Variants in NR4A1 observed in about 807,000 individuals in gnomAD.
The protein encoded by NR4A1 is nuclear receptor subfamily 4immunitygroup A member 1.
A neutral mutation model predicts 47.5 loss-of-function variants in NR4A1; 24 were observed. The ratio of observed to expected loss-of-function variants is 0.50; its 90% CI spans 0.37 to 0.71. The LOEUF is 0.71. Ranked by LOEUF, NR4A1 falls within the 30% of genes least tolerant of loss-of-function variation. The probability of loss-of-function intolerance (pLI) is 0.00; values close to 1 mark genes in which losing one functional copy is unlikely to be tolerated. For synonymous variants in NR4A1, 353 were observed against 345.7 expected (o/e 1.02, Z -0.24); for missense variants, 669 against 788.6 (o/e 0.85, Z 1.82).
chr12:52,043,946 G>A (rs941832096), intron 2 of NR4A1: 3 of 1,286,520 alleles, frequency 2.3e-6, no homozygotes, highest in Non-Finnish European at 3.0e-6. Flanking sequence ...AGGAATGGGA[G>A]CTGGGCTGTT....
At chr12:52,048,209 A>G (rs1439866538), upstream of NR4A1, among the ~76,000 whole-genome samples, 1 of 151,974 alleles carries the variant, frequency 6.6e-6, no homozygotes, top group Non-Finnish European at 1.5e-5. Flanking sequence ...GATTGAGCAC[A>G]GACTGGTCAA....
At chr12:52,039,345 G>A (rs746915288) in intron 1 of NR4A1, among the ~76,000 whole-genome samples, 7 of 152,188 alleles carry the variant, frequency 4.6e-5, no homozygotes, top group Non-Finnish European at 5.9e-5. Context: ...GCCTGTCAGC[G>A]GTGTCCTGTT....
At position 52,055,569 on chromosome 12, in the gene NR4A1, C is replaced by A; in HGVS notation, c.876+365C>A. ...TGCCCCCAGGCTCTCATGTTCCTGG[C>A]GTGAGATGAAAGGATCCCTGCGGAG... On this transcript the variant is annotated intron_variant, in intron 2 of 6. Coordinates refer to ENST00000394825, the MANE Select transcript of NR4A1 (RefSeq NM_173157.3). 1.8e-5 allele frequency: 9 copies of A among 507,280 alleles called. No homozygotes were observed. In the South Asian group the frequency reaches 2.6e-4, roughly 15 times the overall value. The allele number at this position is 507,280 out of a possible 1,614,324, so 31.4% of individuals were successfully genotyped here.
chr12:52,037,397 A>T, intron 1 of NR4A1: 1 of 980,696 alleles, frequency 1.0e-6, no homozygotes, highest in Non-Finnish European at 1.2e-6. Flanking sequence ...CTGGTGCGCG[A>T]CCCCGGAAAG....
At position 52,054,000 on chromosome 12, in the gene NR4A1, G is replaced by C. The variant is rs1387772017; in HGVS notation, c.-2-327G>C. On this transcript the variant is annotated intron_variant, in intron 1 of 6. Coordinates refer to ENST00000394825, the MANE Select transcript of NR4A1 (RefSeq NM_173157.3). Reference sequence around the variant, plus strand: ...CCCATGGGGGAGGGGCAGGGGGCTGGAGGAACACAGCTTCCCCCTGTTCTA... The same window carrying C: ...CCCATGGGGGAGGGGCAGGGGGCTGCAGGAACACAGCTTCCCCCTGTTCTA... The C allele has an allele frequency of 2.1e-5, 6 of 290,864 alleles. No individual in the cohort carries two copies. The East Asian group carries it at 3.8e-4, about 18-fold the overall frequency. The allele number at this position is 290,864 out of a possible 1,614,324, so 18.0% of individuals were successfully genotyped here.
chr12:52,057,258 A>G lies in NR4A1; in HGVS notation c.1360A>G (p.Arg454Gly). ...LELFILRLAY[R>G]SKPGEGKLIF... Reference sequence around the variant, plus strand: ...GCTCTTCATCCTCCGCCTGGCGTACAGGTGAGAGCCACTGACTGTCTGCCC... The same window carrying G: ...GCTCTTCATCCTCCGCCTGGCGTACGGGTGAGAGCCACTGACTGTCTGCCC... The change falls in exon 5 of 7, where the codon AGG (arginine) becomes GGG (glycine). Residue 454 changes from arginine to glycine, a missense_variant and splice_region_variant. Arg to Gly is a moderately radical substitution (Grantham distance 125). Coordinates refer to ENST00000394825, the MANE Select transcript of NR4A1 (RefSeq NM_173157.3). 2 of 1,613,604 alleles carry G rather than the reference A, an allele frequency of 1.2e-6. No homozygotes were observed. Among genetic ancestry groups the G allele is most frequent in the Non-Finnish European group, 1.7e-6 (2 of 1,179,788 alleles).
chr12:52,056,327 T>G, intron 3 of NR4A1, 167 bp from the exon 4 acceptor site: 1 of 1,357,752 alleles, frequency 7.4e-7, no homozygotes, highest in South Asian at 1.4e-5. Flanking sequence ...CCTGCCTGGA[T>G]TGTGAGGGTG....
intron 1 of NR4A1, chr12:52,041,662 C>A: frequency 4.5e-6 from 4 of 881,266 alleles, no homozygotes; most frequent in Non-Finnish European, 6.0e-6. Flanking sequence ...ATGCCTAACC[C>A]GGGGAGGTCC....
rs747881525 is a variant in NR4A1 at position 52,057,491 on chromosome 12, C to A, written c.1501C>A (p.Pro501Thr). 2 of 1,614,134 alleles carry A rather than the reference C, an allele frequency of 1.2e-6. No homozygotes were observed. The highest frequency in any genetic ancestry group is 2.2e-5 in the South Asian group (2 of 91,088). The change falls in exon 6 of 7, where the codon CCT becomes ACT. Residue 501 changes from proline to threonine, a missense_variant. Physicochemically the swap from Pro to Thr is conservative, Grantham distance 38. Transcript: ENST00000394825. ...RSLHSLLVDV[P>T]AFACLSALVL... The stretch of plus-strand genomic sequence containing the variant: ...CCTGCACAGCTTGCTTGTCGATGTC[C>A]CTGCCTTCGCCTGCCTCTCTGCCCT...
rs1198008107 is a variant in NR4A1 at position 52,055,087 on chromosome 12, C to G, written c.759C>G (p.Thr253=). ...SGILDTPVTS[T]KARSGAPGGS... is the part of the protein sequence containing the mutation. ...TACTGGATACACCCGTGACCTCAAC[C>G]AAGGCCCGGAGCGGGGCCCCAGGTG... The change falls in exon 2 of 7, where the codon ACC becomes ACG. Residue 253 remains threonine (T), a synonymous_variant. Transcript: ENST00000394825. 2 of 1,614,142 alleles carry G rather than the reference C, an allele frequency of 1.2e-6. No individual in the cohort carries two copies. The highest frequency in any genetic ancestry group is 1.3e-5 in the African/African-American group (1 of 74,958).
chr12:52,041,853 G>A, exon 2 of NR4A1: 1 of 1,520,578 alleles, frequency 6.6e-7, no homozygotes, highest in African/African-American at 1.4e-5. Context: ...CTCCCAGGCA[G>A]CCTGGCTCCT....
upstream of NR4A1, among the ~76,000 whole-genome samples, chr12:52,049,608 T>G (rs997176420): frequency 6.6e-6 from 1 of 152,188 alleles, no homozygotes; most frequent in Non-Finnish European, 1.5e-5. Flanking sequence ...TAAGCCATAA[T>G]CATGCCACTG....
In NR4A1 at chr12:52,058,938, C is replaced by T; in HGVS notation, c.1791C>T (p.Pro597=). The change falls in exon 7 of 7, where the codon CCC becomes CCT. Residue 597 remains proline (P), a synonymous_variant. Coordinates refer to ENST00000394825, the MANE Select transcript of NR4A1 (RefSeq NM_173157.3). ...ACAAGATCTTCATGGACACGCTGCC[C>T]TTCTGACCCCTGCCTGGGAACACGT... The part of the protein sequence containing the change: ...IIDKIFMDTL[P]F 1.2e-6 allele frequency: 2 copies of T among 1,609,946 alleles called. No individual in the cohort carries two copies. The highest frequency in any genetic ancestry group is 1.7e-6 in the Non-Finnish European group (2 of 1,176,680).
At chr12:52,057,598 G>C in intron 6 of NR4A1, 68 bp downstream of exon 6, 1 of 1,576,456 alleles carries the variant, frequency 6.3e-7, no homozygotes, top group Non-Finnish European at 8.6e-7. Flanking sequence ...TCTCAGGAGG[G>C]CACTGTCCCA....
rs1398930217 is a variant in NR4A1 at position 52,031,301 on chromosome 12, C to T, written c.-84+8362C>T. On this transcript the variant is annotated intron_variant, in intron 1 of 7. Coordinates refer to the NR4A1 transcript ENST00000360284. ...TCGGCCTCCCAAAGTGCTGAGATTA[C>T]AGGCATGAGCCTCCAGTGGTGCCCA... is the stretch of plus-strand genomic sequence containing the variant. Among the ~76,000 whole-genome samples the T allele has an allele frequency of 3.3e-5, 5 of 150,946 alleles. No homozygotes were observed. The East Asian group carries it at 1.0e-3, about 31-fold the overall frequency.
chr12:52,033,225 TC>T (rs1274126114), intron 1 of NR4A1, among the ~76,000 whole-genome samples: 1 of 152,062 alleles, frequency 6.6e-6, no homozygotes, highest in Non-Finnish European at 1.5e-5. Flanking sequence ...TCGGCCCTGT[TC>T]CTTCCGGCCC....
intron 2 of NR4A1, 30 bp from the exon 3 acceptor site, chr12:52,056,000 C>A: frequency 1.1e-6 from 1 of 929,224 alleles, no homozygotes; most frequent in Non-Finnish European, 1.4e-6. Context: ...CACACTCTGA[C>A]AGCTTGTTCC....
chr12:52,025,045 G>C (rs1937974714), intron 1 of NR4A1, among the ~76,000 whole-genome samples: 1 of 151,338 alleles, frequency 6.6e-6, no homozygotes, highest in Non-Finnish European at 1.5e-5. Flanking sequence ...TCCGCCTCTC[G>C]GACCTTGCTC....
At chr12:52,033,140 G>C (rs1938164653) in intron 1 of NR4A1, among the ~76,000 whole-genome samples, 1 of 152,192 alleles carries the variant, frequency 6.6e-6, no homozygotes, top group Non-Finnish European at 1.5e-5. Context: ...GCTCCCTCCG[G>C]ACTGGCTAGT....
Sources: gnomAD v4.1 joint callset for allele counts (sites outside exome capture counted in the v4.1 genomes callset) on GRCh38, gnomAD v4.1.1 for gene constraint, MANE v1.5 for transcripts, NCBI Gene and HGNC (gene_info 2026-07-23, HGNC 2026-07-21) for gene names.